CNTNAP5: variants seen among roughly 807,000 people sequenced by gnomAD.
The protein encoded by CNTNAP5 is contactin associated protein family member 5, also known as contactin-associated protein-like 5.
In CNTNAP5, 72 loss-of-function variants were observed where a neutral mutation model predicts 150.2. That is an observed-to-expected ratio of 0.48 (90% CI 0.40 to 0.58). The LOEUF (loss-of-function observed/expected upper bound fraction) is 0.58, where lower values mean the gene tolerates loss of function less well. Ranked by LOEUF, CNTNAP5 falls within the 20% of genes least tolerant of loss-of-function variation. CNTNAP5 has a pLI of 0.00. For missense variants in CNTNAP5, 1,636 were observed against 1,626.2 expected, an observed-to-expected ratio of 1.01 and a Z score of -0.10; for synonymous variants, 672 against 619.8, an observed-to-expected ratio of 1.08 and a Z score of -1.25.
At chr2:124,635,713 A>G (rs60075353) in intron 12 of CNTNAP5, among the ~76,000 whole-genome samples, 1,574 of 152,276 alleles carry the variant, frequency 0.01, 27 homozygotes, top group African/African-American at 0.036. Flanking sequence ...ATGATGAATC[A>G]AAGTAAGTCT....
chr2:124,382,498 C>T (rs995883599), intron 3 of CNTNAP5, among the ~76,000 whole-genome samples: 1 of 152,116 alleles, frequency 6.6e-6, no homozygotes, highest in African/African-American at 2.4e-5. Flanking sequence ...TCTCAATGTA[C>T]TCCTCTTTCC....
chr2:124,636,983 C>G (rs72974548), intron 12 of CNTNAP5, among the ~76,000 whole-genome samples: 1 of 151,698 alleles, frequency 6.6e-6, no homozygotes, highest in Admixed American at 6.6e-5. Flanking sequence ...GTAGACACAG[C>G]GATAATTTAA....
chr2:124,854,377 C>T (rs1677301178), intron 19 of CNTNAP5, among the ~76,000 whole-genome samples: 1 of 152,274 alleles, frequency 6.6e-6, no homozygotes, highest in Non-Finnish European at 1.5e-5. Context: ...TACAGTTTTA[C>T]TTGTGGAGTT....
intron 13 of CNTNAP5, among the ~76,000 whole-genome samples, chr2:124,729,211 C>T (rs1258624636): frequency 3.9e-5 from 6 of 152,060 alleles, no homozygotes; most frequent in African/African-American, 1.4e-4. Flanking sequence ...CAGAGAATTT[C>T]AGGACCTCCT....
intron 10 of CNTNAP5, among the ~76,000 whole-genome samples, chr2:124,542,137 A>G (rs1011017290): frequency 6.6e-6 from 1 of 151,734 alleles, no homozygotes; most frequent in South Asian, 2.1e-4. Flanking sequence ...GACCTCCAGC[A>G]CATGATGGAG....
chr2:124,846,823 G>A (rs183925788), intron 19 of CNTNAP5, among the ~76,000 whole-genome samples: 183 of 152,288 alleles, frequency 1.2e-3, no homozygotes, highest in African/African-American at 4.3e-3. Flanking sequence ...GAGCCAAACT[G>A]TAGTGGTTGT....
chr2:124,344,558 A>T (rs1689694384), intron 3 of CNTNAP5, among the ~76,000 whole-genome samples: 1 of 151,976 alleles, frequency 6.6e-6, no homozygotes, highest in Admixed American at 6.6e-5. Context: ...TCAGTTCAGG[A>T]CAGGAATTTA....
intron 13 of CNTNAP5, among the ~76,000 whole-genome samples, chr2:124,664,383 TA>T (rs1278985301): frequency 6.8e-6 from 1 of 146,730 alleles, no homozygotes; most frequent in Non-Finnish European, 1.5e-5. Flanking sequence ...AACAACAAGG[TA>T]AAAACAAACA....
chr2:124,582,218 C>T (rs982788207), intron 11 of CNTNAP5, among the ~76,000 whole-genome samples: 5 of 151,990 alleles, frequency 3.3e-5, no homozygotes, highest in African/African-American at 1.2e-4. Flanking sequence ...TGTCATTTTG[C>T]AGGCATGTGG....
chr2:124,049,098 G>T (rs893126560), intron 1 of CNTNAP5, among the ~76,000 whole-genome samples: 1 of 152,150 alleles, frequency 6.6e-6, no homozygotes, highest in Non-Finnish European at 1.5e-5. Flanking sequence ...CTCTGCAGAG[G>T]TCACTTTGAG....
intron 6 of CNTNAP5, among the ~76,000 whole-genome samples, chr2:124,451,622 T>G (rs1403940514): frequency 1.3e-5 from 2 of 152,026 alleles, no homozygotes; most frequent in Non-Finnish European, 2.9e-5. Flanking sequence ...ACGACTGCAG[T>G]AATACATTAG....
intron 12 of CNTNAP5, among the ~76,000 whole-genome samples, chr2:124,629,005 A>G (rs899719967): frequency 6.6e-6 from 1 of 152,174 alleles, no homozygotes; most frequent in Non-Finnish European, 1.5e-5. Context: ...ATTCAACAAA[A>G]GGAGCTATTT....
At chr2:124,706,760 A>AGAG (rs1679649379) in intron 13 of CNTNAP5, among the ~76,000 whole-genome samples, 1 of 30,704 alleles carries the variant, frequency 3.3e-5, no homozygotes, top group Non-Finnish European at 6.4e-5. Context: ...AAGAAGAAGA[A>AGAG]GAAGAAGAAG....
At chr2:124,322,333 G>T (rs1689121917) in intron 3 of CNTNAP5, among the ~76,000 whole-genome samples, 1 of 152,170 alleles carries the variant, frequency 6.6e-6, no homozygotes, top group Non-Finnish European at 1.5e-5. Context: ...CTGCAGCACA[G>T]GTTAGAGATT....
intron 3 of CNTNAP5, among the ~76,000 whole-genome samples, chr2:124,408,397 C>T (rs1372445394): frequency 6.6e-6 from 1 of 152,214 alleles, no homozygotes; most frequent in Non-Finnish European, 1.5e-5. Context: ...TCAAGGAGGC[C>T]TGCCTGCCTC....
chr2:124,643,162 A>G (rs553153071), intron 12 of CNTNAP5, among the ~76,000 whole-genome samples: 1 of 152,318 alleles, frequency 6.6e-6, no homozygotes, highest in South Asian at 2.1e-4. Flanking sequence ...TTTCCCAGCT[A>G]ATGATGAACA....
In CNTNAP5 at chr2:124,620,402, G is replaced by C. The variant is rs1677586519; in HGVS notation, c.1876+10482G>C. Among the ~76,000 whole-genome samples the C allele has an allele frequency of 2.0e-5, 3 of 152,060 alleles. No homozygotes were observed. In the South Asian group the frequency reaches 6.2e-4, roughly 32 times the overall value. On this transcript the variant is annotated intron_variant, in intron 12 of 23. Coordinates refer to ENST00000682447, the MANE Select transcript of CNTNAP5 (RefSeq NM_001367498.1). ...TGCAATGCCTTCTATAAGTCCAAGA[G>C]TACAGAGTGCCCATCTGTTCCTCAC... is the stretch of plus-strand genomic sequence containing the variant.
At chr2:124,167,964 C>G (rs185330712) in intron 1 of CNTNAP5, among the ~76,000 whole-genome samples, 169 of 152,178 alleles carry the variant, frequency 1.1e-3, no homozygotes, top group Admixed American at 8.6e-3. Flanking sequence ...GAAGGAGGCA[C>G]GTTTTTATTC....
intron 12 of CNTNAP5, among the ~76,000 whole-genome samples, chr2:124,639,274 G>A (rs11694999): frequency 0.42 from 63,266 of 152,026 alleles, 14,873 homozygotes; most frequent in Non-Finnish European, 0.54. Flanking sequence ...AAGACCACCC[G>A]TTGGAGAGGC....
Sources: allele counts gnomAD v4.1 joint callset (sites outside exome capture counted in the v4.1 genomes callset), GRCh38; gene constraint gnomAD v4.1.1; transcripts MANE v1.5; gene names NCBI Gene and HGNC (gene_info 2026-07-23, HGNC 2026-07-21).